The following DLGAP2 variants were observed in gnomAD, a reference collection of about 807,000 sequenced individuals.
DLGAP2 encodes the protein DLG associated protein 2, also known as disks large-associated protein 2.
A neutral mutation model predicts 100.3 loss-of-function variants in DLGAP2; 26 were observed. That is an observed-to-expected ratio of 0.26 (90% CI 0.19 to 0.36). The LOEUF is 0.36. Among genes scored for constraint, DLGAP2 ranks in the 10% least tolerant of loss-of-function variants. The pLI is 1.00. For synonymous variants in DLGAP2, 886 were observed against 630.1 expected, an observed-to-expected ratio of 1.41 and a Z score of -6.08; for missense variants, 1,858 against 1,453.2, an observed-to-expected ratio of 1.28 and a Z score of -4.53.
At chr8:1,389,229 T>G (rs13277339) in intron 3 of DLGAP2, among the ~76,000 whole-genome samples, 77,788 of 144,708 alleles carry the variant, frequency 0.54, 21,025 homozygotes, top group East Asian at 0.7. Context: ...GGAGGAGCGG[T>G]ACTCTGGAGG....
chr8:1,231,983 C>T (rs1428049078), intron 2 of DLGAP2, among the ~76,000 whole-genome samples: 1 of 152,138 alleles, frequency 6.6e-6, no homozygotes, highest in Non-Finnish European at 1.5e-5. Flanking sequence ...AAATGTAAAT[C>T]TTCAAAATAA....
intron 3 of DLGAP2, among the ~76,000 whole-genome samples, chr8:1,309,784 C>G (rs1313818520): frequency 1.3e-5 from 2 of 152,192 alleles, no homozygotes; most frequent in Admixed American, 6.5e-5. Context: ...TTACCGTGCA[C>G]TCAATGTGTA....
At chr8:738,086 T>C in intron 1 of DLGAP2, 1 of 246,060 alleles carries the variant, frequency 4.1e-6, no homozygotes, top group Non-Finnish European at 7.7e-6. Flanking sequence ...GACCCTGGGC[T>C]CCGGGGGTGC....
At chr8:1,605,570 T>C (rs1563251919) in intron 6 of DLGAP2, among the ~76,000 whole-genome samples, 1 of 152,218 alleles carries the variant, frequency 6.6e-6, no homozygotes, top group East Asian at 1.9e-4. Context: ...CTCTTTAGGA[T>C]GAAATCTTTT....
chr8:856,426 G>C (rs998953567), intron 1 of DLGAP2, among the ~76,000 whole-genome samples: 1 of 152,068 alleles, frequency 6.6e-6, no homozygotes, highest in East Asian at 1.9e-4. Flanking sequence ...GACCTGAGGT[G>C]ATCTGCCCAC....
intron 2 of DLGAP2, among the ~76,000 whole-genome samples, chr8:1,107,203 G>T (rs1377991332): frequency 1.3e-5 from 2 of 152,210 alleles, no homozygotes; most frequent in Non-Finnish European, 2.9e-5. Context: ...CTGGTTCTGT[G>T]ACTTTGCTCC....
intron 2 of DLGAP2, among the ~76,000 whole-genome samples, chr8:1,233,145 A>G (rs905417954): frequency 6.6e-6 from 1 of 152,188 alleles, no homozygotes; most frequent in African/African-American, 2.4e-5. Flanking sequence ...TAATGAGCAA[A>G]TGACATTCCA....
chr8:824,719 C>T (rs529588319), intron 1 of DLGAP2, among the ~76,000 whole-genome samples: 1 of 152,090 alleles, frequency 6.6e-6, no homozygotes, highest in African/African-American at 2.4e-5. Flanking sequence ...GTAGTGCTAG[C>T]GATTCAGAGG....
At chr8:945,011 A>G (rs1353136708) in intron 2 of DLGAP2, among the ~76,000 whole-genome samples, 1 of 152,174 alleles carries the variant, frequency 6.6e-6, no homozygotes, top group Non-Finnish European at 1.5e-5. Flanking sequence ...GTTTAACACA[A>G]TCTATGTGTT....
At chr8:801,485 T>C (rs1047455570) in intron 1 of DLGAP2, among the ~76,000 whole-genome samples, 10 of 152,242 alleles carry the variant, frequency 6.6e-5, no homozygotes, top group African/African-American at 2.2e-4. Flanking sequence ...TTTCAGAGCA[T>C]GTGCGTTAAT....
At chr8:1,345,809 C>A (rs944652673) in intron 3 of DLGAP2, among the ~76,000 whole-genome samples, 1 of 152,230 alleles carries the variant, frequency 6.6e-6, no homozygotes, top group Non-Finnish European at 1.5e-5. Context: ...GTAACACCTA[C>A]CTCAGCATTG....
intron 3 of DLGAP2, among the ~76,000 whole-genome samples, chr8:1,482,073 C>G (rs1415894671): frequency 6.6e-6 from 1 of 152,250 alleles, no homozygotes; most frequent in Non-Finnish European, 1.5e-5. Flanking sequence ...TCACCATGCT[C>G]ACAAGAAATG....
At chr8:1,334,319 T>A (rs1365831085) in intron 3 of DLGAP2, among the ~76,000 whole-genome samples, 1 of 152,242 alleles carries the variant, frequency 6.6e-6, no homozygotes. Context: ...GCCATCACTG[T>A]GACCCAGCGT....
intron 1 of DLGAP2, among the ~76,000 whole-genome samples, chr8:788,339 C>A (rs1821932904): frequency 6.6e-6 from 1 of 152,190 alleles, no homozygotes; most frequent in Non-Finnish European, 1.5e-5. Flanking sequence ...TCTGTGTTCA[C>A]ATGGTCTGGT....
chr8:874,670 G>T (rs527401795), intron 1 of DLGAP2, among the ~76,000 whole-genome samples: 5 of 152,318 alleles, frequency 3.3e-5, no homozygotes, highest in African/African-American at 1.2e-4. Context: ...CATTTGAGAA[G>T]ATCGTATATT....
chr8:1,195,401 T>C (rs10503159), intron 2 of DLGAP2, among the ~76,000 whole-genome samples: 12,722 of 152,214 alleles, frequency 0.084, 1,454 homozygotes, highest in African/African-American at 0.26. Context: ...ATATGTGTTA[T>C]TAATGAAAAA....
intron 12 of DLGAP2, among the ~76,000 whole-genome samples, chr8:1,689,442 G>A (rs1397895883): frequency 2.6e-5 from 4 of 152,114 alleles, no homozygotes; most frequent in African/African-American, 9.7e-5. Flanking sequence ...TCGCCTCTGC[G>A]TTCAAGGGGG....
Position 1,529,448 on chromosome 8 carries a change from C to A in DLGAP2, c.173-19178C>A, listed in dbSNP as rs187645547. On this transcript the variant is annotated intron_variant, in intron 4 of 14. Transcript: ENST00000637795. ...CACAGATTATCTCAGTGGTGGCCAACAAGATGGACCGAAGACTTCAGAAGC... is the reference window on the plus strand; with the variant it reads ...CACAGATTATCTCAGTGGTGGCCAAAAAGATGGACCGAAGACTTCAGAAGC... Among the ~76,000 whole-genome samples, 106 of 152,256 alleles carry A rather than the reference C, an allele frequency of 7.0e-4. 1 individual carries two copies. The Middle Eastern group carries it at 0.01, about 15-fold the overall frequency.
intron 2 of DLGAP2, among the ~76,000 whole-genome samples, chr8:1,190,624 C>T (rs932609324): frequency 6.6e-6 from 1 of 152,188 alleles, no homozygotes; most frequent in Non-Finnish European, 1.5e-5. Flanking sequence ...TGTTTGGTGA[C>T]TGTGCGAGGT....
Sources: gnomAD v4.1 joint callset for allele counts (sites outside exome capture counted in the v4.1 genomes callset) on GRCh38, gnomAD v4.1.1 for gene constraint, MANE v1.5 for transcripts, NCBI Gene and HGNC (gene_info 2026-07-23, HGNC 2026-07-21) for gene names.